Variants in SYTL3 observed in about 807,000 individuals in gnomAD.
SYTL3 encodes synaptotagmin like 3.
A neutral mutation model predicts 82.1 loss-of-function variants in SYTL3; 88 were observed. That is an observed-to-expected ratio of 1.07 (90% CI 0.90 to 1.28). The LOEUF is 1.28. Ranked by LOEUF, SYTL3 falls within the 50% of genes most tolerant of loss-of-function variation. SYTL3 has a pLI of 0.00. For missense variants in SYTL3, 831 were observed against 757.6 expected, an observed-to-expected ratio of 1.10 and a Z score of -1.14; for synonymous variants, 311 against 289.4, an observed-to-expected ratio of 1.07 and a Z score of -0.76.
At chr6:158,762,326 G>T (rs528306845) in intron 16 of SYTL3, 148 bp downstream of exon 16, 21 of 613,396 alleles carry the variant, frequency 3.4e-5, no homozygotes, top group Non-Finnish European at 5.9e-5. Flanking sequence ...ACATATTAAA[G>T]ACCCTGATTT....
chr6:158,655,639 G>C (rs746164549), intron 2 of SYTL3, among the ~76,000 whole-genome samples: 2 of 152,186 alleles, frequency 1.3e-5, no homozygotes, highest in Non-Finnish European at 2.9e-5. Context: ...TTAGTACCAC[G>C]ACTGTCAGCC....
intron 11 of SYTL3, among the ~76,000 whole-genome samples, chr6:158,743,055 C>G (rs545559214): frequency 7.2e-5 from 11 of 152,316 alleles, no homozygotes; most frequent in Admixed American, 6.5e-4. Context: ...TTTTGCCCCC[C>G]AGTCCCGTTA....
At chr6:158,677,495 A>G (rs952138901) in intron 5 of SYTL3, among the ~76,000 whole-genome samples, 4 of 152,122 alleles carry the variant, frequency 2.6e-5, no homozygotes, top group African/African-American at 4.8e-5. Flanking sequence ...GCACATGTAT[A>G]CATATGTAAC....
chr6:158,718,573 C>T (rs115154117), intron 10 of SYTL3, among the ~76,000 whole-genome samples: 3,059 of 152,342 alleles, frequency 0.02, 92 homozygotes, highest in African/African-American at 0.069. Flanking sequence ...GCAAGACCAG[C>T]AGCCTTTGGT....
At chr6:158,757,089 T>TG in intron 13 of SYTL3, 122 bp from the exon 14 acceptor site, 5 of 813,920 alleles carry the variant, frequency 6.1e-6, no homozygotes, top group Non-Finnish European at 8.7e-6. Context: ...ACTCAGCCTG[T>TG]GGGAGGGAGG....
chr6:158,659,873 G>T (rs776110520), intron 2 of SYTL3, among the ~76,000 whole-genome samples: 10 of 152,088 alleles, frequency 6.6e-5, no homozygotes, highest in Admixed American at 1.3e-4. Context: ...ATGTCTCTCT[G>T]ACTTTATTTT....
intron 13 of SYTL3, 87 bp from the exon 14 acceptor site, chr6:158,757,124 G>A: frequency 7.3e-7 from 1 of 1,369,054 alleles, no homozygotes; most frequent in Non-Finnish European, 9.8e-7. Context: ...CGGGAAGTGG[G>A]GCCCTGGAAG....
intron 12 of SYTL3, among the ~76,000 whole-genome samples, chr6:158,749,975 A>G (rs1788187678): frequency 6.6e-6 from 1 of 152,258 alleles, no homozygotes; most frequent in South Asian, 2.1e-4. Context: ...CATGTGCACC[A>G]TGAGCAGAGG....
Position 158,760,695 on chromosome 6 carries a change from C to A in SYTL3, c.1364C>A (p.Ala455Asp), listed in dbSNP as rs762721915. The A allele has an allele frequency of 1.2e-6, 2 of 1,614,154 alleles. No individual in the cohort carries two copies. Among genetic ancestry groups the A allele is most frequent in the Non-Finnish European group, 1.7e-6 (2 of 1,179,996 alleles). Residue 455 changes from alanine (A) to aspartate (D), a missense_variant, in exon 15 of 18, where the codon GCT (alanine) becomes GAT (aspartate). By Grantham distance (126) the Ala-to-Asp change is moderately radical. Transcript: ENST00000611299. ...PQSNGELTVR[A>D]KLVLPSRPRK... ...AGTAATGGAGAGCTCACAGTCCGGG[C>A]TAAGCTGGTTCTCCCTTCACGGCCC... is the stretch of plus-strand genomic sequence containing the variant.
chr6:158,745,700 C>G (rs755068123), intron 12 of SYTL3, 42 bp downstream of exon 12: 2 of 1,396,634 alleles, frequency 1.4e-6, no homozygotes, highest in Admixed American at 5.1e-5. Context: ...CATATTGATT[C>G]CAAAATGTAT....
intron 12 of SYTL3, among the ~76,000 whole-genome samples, chr6:158,747,362 T>C (rs1787796153): frequency 6.6e-6 from 1 of 151,284 alleles, no homozygotes; most frequent in South Asian, 2.1e-4. Context: ...TAATTAAAAT[T>C]AATTTTTTTT....
At position 158,665,487 on chromosome 6, in the gene SYTL3, A is replaced by T. The variant is rs773351366; in HGVS notation, c.203A>T (p.Gln68Leu). The T allele has an allele frequency of 6.2e-7, 1 of 1,605,964 alleles. No homozygotes were observed. The highest frequency in any genetic ancestry group is 1.1e-5 in the South Asian group (1 of 89,428). ...HKEKCCARCQ[Q>L]VLGFLLHRGA... The stretch of plus-strand genomic sequence containing the variant: ...GAGAAGTGCTGTGCGCGCTGCCAGC[A>T]GGTGCTGGGGTTCCTGCTGCACCGG... The change falls in exon 5 of 18, where the codon CAG becomes CTG. Residue 68 changes from glutamine to leucine, a missense_variant. Physicochemically the swap from Gln to Leu is moderately radical, Grantham distance 113 (BLOSUM62 -2). Coordinates refer to ENST00000611299, the MANE Select transcript of SYTL3 (RefSeq NM_001242394.2).
chr6:158,743,421 T>A (rs1244921956), intron 11 of SYTL3, among the ~76,000 whole-genome samples: 1 of 152,198 alleles, frequency 6.6e-6, no homozygotes. Flanking sequence ...CACCATTTAG[T>A]CTGACATAGC....
At position 158,758,067 on chromosome 6, in the gene SYTL3, G is replaced by A. The variant is rs567683581; in HGVS notation, c.1308+686G>A. Among the ~76,000 whole-genome samples the A allele has an allele frequency of 3.3e-5, 5 of 152,308 alleles. No homozygotes were observed. The South Asian group carries it at 1.0e-3, about 32-fold the overall frequency. Reference sequence around the variant, plus strand: ...GAGACGCTGCTTTGTACTTTGCTGTGTCCAGATCCCGGACTGGGAGAGAGT... The same window carrying A: ...GAGACGCTGCTTTGTACTTTGCTGTATCCAGATCCCGGACTGGGAGAGAGT... On this transcript the variant is annotated intron_variant, in intron 14 of 17. Transcript: ENST00000611299.
At chr6:158,721,400 T>G (rs1271821233) in intron 10 of SYTL3, among the ~76,000 whole-genome samples, 3 of 151,850 alleles carry the variant, frequency 2.0e-5, no homozygotes, top group Admixed American at 1.3e-4. Context: ...TAATTTTTAT[T>G]TTTAGTAGAG....
At chr6:158,658,421 C>T (rs9364494) in intron 2 of SYTL3, among the ~76,000 whole-genome samples, 39,972 of 152,030 alleles carry the variant, frequency 0.26, 6,226 homozygotes, top group East Asian at 0.67. Flanking sequence ...GAGCGAGTCC[C>T]GCTGAAATGA....
At chr6:158,730,149 A>G (rs1212270673) in intron 11 of SYTL3, among the ~76,000 whole-genome samples, 1 of 152,216 alleles carries the variant, frequency 6.6e-6, no homozygotes, top group Non-Finnish European at 1.5e-5. Flanking sequence ...TCCTTTTGCA[A>G]GCAACTTCCT....
chr6:158,703,093 G>T (rs1165133094), intron 6 of SYTL3, among the ~76,000 whole-genome samples: 1 of 149,638 alleles, frequency 6.7e-6, no homozygotes, highest in Non-Finnish European at 1.5e-5. Flanking sequence ...GGCGGAGGTT[G>T]CAGTGAGCCA....
chr6:158,667,303 C>T (rs796316776), intron 5 of SYTL3, among the ~76,000 whole-genome samples: 15 of 152,304 alleles, frequency 9.8e-5, no homozygotes, highest in African/African-American at 3.1e-4. Flanking sequence ...ACATGAAATA[C>T]GACTTCTAAA....
Sources: gnomAD v4.1 joint callset for allele counts (sites outside exome capture counted in the v4.1 genomes callset) on GRCh38, gnomAD v4.1.1 for gene constraint, MANE v1.5 for transcripts, NCBI Gene and HGNC (gene_info 2026-07-23, HGNC 2026-07-21) for gene names.